The following L3MBTL4 variants were observed in gnomAD, a reference collection of about 807,000 sequenced individuals.
L3MBTL4 encodes L3MBTL histone methyl-lysine binding protein 4.
L3MBTL4 carries 70 observed loss-of-function variants against 84.5 expected under a neutral mutation model. The ratio of observed to expected loss-of-function variants is 0.83; its 90% CI spans 0.68 to 1.01. The LOEUF is 1.01. Among genes scored for constraint, L3MBTL4 ranks in the 50% least tolerant of loss-of-function variants. The pLI is 0.00. For missense variants in L3MBTL4, 715 were observed against 754.8 expected (o/e 0.95, Z 0.62); for synonymous variants, 274 against 259.8 (o/e 1.05, Z -0.52).
At chr18:6,196,347 C>T (rs959637526) in intron 12 of L3MBTL4, among the ~76,000 whole-genome samples, 5 of 151,994 alleles carry the variant, frequency 3.3e-5, no homozygotes, top group African/African-American at 4.8e-5. Flanking sequence ...TTAGTAAAGA[C>T]GCGGTTTCAC....
intron 9 of L3MBTL4, among the ~76,000 whole-genome samples, chr18:6,239,157 C>T (rs991324721): frequency 3.3e-5 from 5 of 151,568 alleles, no homozygotes; most frequent in East Asian, 1.9e-4. Context: ...CCGGCTAAAA[C>T]GGTGAAACCC....
chr18:6,254,789 A>C (rs552998054), intron 5 of L3MBTL4, among the ~76,000 whole-genome samples: 1 of 152,294 alleles, frequency 6.6e-6, no homozygotes, highest in Admixed American at 6.5e-5. Context: ...CCCAGAAGCT[A>C]CTAATAGTAA....
At chr18:5,992,404 C>T (rs537581955) in intron 16 of L3MBTL4, among the ~76,000 whole-genome samples, 10 of 152,232 alleles carry the variant, frequency 6.6e-5, no homozygotes, top group African/African-American at 9.6e-5. Context: ...CCCCATTATG[C>T]GGGGACAGTG....
At chr18:6,256,479 C>G (rs1241173901) in intron 5 of L3MBTL4, among the ~76,000 whole-genome samples, 1 of 151,700 alleles carries the variant, frequency 6.6e-6, no homozygotes, top group Admixed American at 6.6e-5. Flanking sequence ...ATAAATGCAA[C>G]CTTATCATCC....
At chr18:6,392,889 T>C (rs1356246354) in intron 1 of L3MBTL4, among the ~76,000 whole-genome samples, 1 of 152,056 alleles carries the variant, frequency 6.6e-6, no homozygotes, top group African/African-American at 2.4e-5. Flanking sequence ...CAAAGACATA[T>C]AGAGTGGTAT....
chr18:6,101,167 C>T (rs1287748561), intron 14 of L3MBTL4, among the ~76,000 whole-genome samples: 1 of 152,132 alleles, frequency 6.6e-6, no homozygotes, highest in Admixed American at 6.5e-5. Flanking sequence ...CTTCTCGGGG[C>T]TATTTTTGCC....
intron 16 of L3MBTL4, among the ~76,000 whole-genome samples, chr18:6,067,572 A>G (rs1228601618): frequency 6.6e-6 from 1 of 152,110 alleles, no homozygotes; most frequent in Non-Finnish European, 1.5e-5. Context: ...TTTCTAGTCT[A>G]TTGAAGAAAC....
At chr18:6,351,676 C>T (rs775581108) in intron 1 of L3MBTL4, among the ~76,000 whole-genome samples, 27 of 151,922 alleles carry the variant, frequency 1.8e-4, no homozygotes, top group Non-Finnish European at 2.9e-4. Context: ...CTCAGCCTCC[C>T]GAGTAGCTGG....
At chr18:6,111,254 C>A (rs1017413074) in intron 14 of L3MBTL4, among the ~76,000 whole-genome samples, 1 of 152,060 alleles carries the variant, frequency 6.6e-6, no homozygotes, top group Non-Finnish European at 1.5e-5. Flanking sequence ...GTTCTAAAAT[C>A]GTGGTGATGG....
intron 1 of L3MBTL4, among the ~76,000 whole-genome samples, chr18:6,380,783 T>A (rs1474558426): frequency 6.6e-6 from 1 of 152,202 alleles, no homozygotes; most frequent in African/African-American, 2.4e-5. Flanking sequence ...CTGAGAATAA[T>A]GTATATTCTG....
At chr18:6,209,073 A>C (rs2045989808) in intron 12 of L3MBTL4, among the ~76,000 whole-genome samples, 1 of 152,212 alleles carries the variant, frequency 6.6e-6, no homozygotes, top group Non-Finnish European at 1.5e-5. Flanking sequence ...TCACAGCTAC[A>C]GGGCAATTGC....
chr18:6,118,993 C>CTTTTTTTT (rs779523685), intron 14 of L3MBTL4, among the ~76,000 whole-genome samples: 13 of 83,698 alleles, frequency 1.6e-4, no homozygotes, highest in East Asian at 4.1e-4. Context: ...TTTTTGGTTT[C>CTTTTTTTT]TTTTTTTTTT....
At chr18:6,382,379 C>A (rs1220824099) in intron 1 of L3MBTL4, among the ~76,000 whole-genome samples, 1 of 152,082 alleles carries the variant, frequency 6.6e-6, no homozygotes, top group Non-Finnish European at 1.5e-5. Flanking sequence ...CCCTTGCTGG[C>A]GAGGAGTTGT....
chr18:6,103,995 G>A (rs2058917682), intron 14 of L3MBTL4, among the ~76,000 whole-genome samples: 1 of 152,156 alleles, frequency 6.6e-6, no homozygotes, highest in Admixed American at 6.5e-5. Flanking sequence ...ATGCTCTGCG[G>A]AGTCCTGTGG....
chr18:5,986,729 C>T (rs780045688), intron 16 of L3MBTL4, among the ~76,000 whole-genome samples: 1 of 152,220 alleles, frequency 6.6e-6, no homozygotes, highest in Non-Finnish European at 1.5e-5. Flanking sequence ...CCTGTGCCTT[C>T]CATGCAATAG....
chr18:6,034,703 G>C (rs1285095209), intron 16 of L3MBTL4, among the ~76,000 whole-genome samples: 1 of 152,200 alleles, frequency 6.6e-6, no homozygotes, highest in African/African-American at 2.4e-5. Flanking sequence ...TCTAGTCTTA[G>C]ATCCCTGAGG....
chr18:6,409,138 A>G (rs1322677439), intron 1 of L3MBTL4, among the ~76,000 whole-genome samples: 2 of 152,194 alleles, frequency 1.3e-5, no homozygotes, highest in South Asian at 2.1e-4. Context: ...AAGTGAGTGT[A>G]CCAGGTGTAA....
At chr18:6,052,882 A>C (rs935558363) in intron 16 of L3MBTL4, among the ~76,000 whole-genome samples, 9 of 152,218 alleles carry the variant, frequency 5.9e-5, no homozygotes, top group African/African-American at 1.9e-4. Flanking sequence ...GTGCTATACA[A>C]ATGGAGTGCT....
intron 14 of L3MBTL4, among the ~76,000 whole-genome samples, chr18:6,130,609 G>A (rs1274665496): frequency 6.6e-6 from 1 of 152,046 alleles, no homozygotes; most frequent in Non-Finnish European, 1.5e-5. Flanking sequence ...ATAATTATTG[G>A]TTCTTCAATA....
Sources: gnomAD v4.1 joint callset for allele counts (sites outside exome capture counted in the v4.1 genomes callset) on GRCh38, gnomAD v4.1.1 for gene constraint, MANE v1.5 for transcripts, NCBI Gene and HGNC (gene_info 2026-07-23, HGNC 2026-07-21) for gene names.